AGMO: variants seen among roughly 807,000 people sequenced by gnomAD.
AGMO encodes the protein alkylglycerol monooxygenase.
In AGMO, 75 loss-of-function variants were observed where a neutral mutation model predicts 60.2. The observed-to-expected ratio is 1.25, with a 90% CI of 1.03 to 1.51. The LOEUF is 1.51. Ranked by LOEUF, AGMO falls within the 40% of genes most tolerant of loss-of-function variation. The pLI, the probability that AGMO is intolerant of heterozygous loss-of-function variation, is 0.00. For synonymous variants in AGMO, 261 were observed against 177.1 expected, an observed-to-expected ratio of 1.47 and a Z score of -3.76; for missense variants, 763 against 525.5, an observed-to-expected ratio of 1.45 and a Z score of -4.42.
chr7:15,508,474 T>C (rs1217632427), intron 3 of AGMO, among the ~76,000 whole-genome samples: 2 of 152,156 alleles, frequency 1.3e-5, no homozygotes, highest in African/African-American at 4.8e-5. Context: ...AGCTGCTCCC[T>C]GCAATAAAAA....
rs115462662 is a variant in AGMO, at chr7:15,298,273, T to C, written c.1263+67241A>G. Among the ~76,000 whole-genome samples the C allele has an allele frequency of 6.6e-3, 1,006 of 152,308 alleles. 10 individuals carry two copies. The highest frequency in any genetic ancestry group is 0.023 in the African/African-American group (957 of 41,564). On this transcript the variant is annotated intron_variant, in intron 12 of 12. Transcript: ENST00000342526. The stretch of plus-strand genomic sequence containing the variant: ...TCAACACATAATTTTAGCTATATCG[T>C]CTACTAAATCAGCTTTCTCCCGTCT...
At chr7:15,354,436 G>A (rs373963371) in intron 12 of AGMO, among the ~76,000 whole-genome samples, 1,553 of 21,868 alleles carry the variant, frequency 0.071, 155 homozygotes, top group East Asian at 0.21. Context: ...ACACGTGTGT[G>A]TATACACACG....
chr7:15,171,189 G>C, the AGMO span, among the ~76,000 whole-genome samples: 4 of 152,006 alleles, frequency 2.6e-5, no homozygotes, highest in Non-Finnish European at 5.9e-5. Context: ...CACCGTGTTA[G>C]CCAGGATGGT....
chr7:15,458,960 C>T (rs922327978), intron 3 of AGMO, among the ~76,000 whole-genome samples: 1 of 152,094 alleles, frequency 6.6e-6, no homozygotes, highest in African/African-American at 2.4e-5. Flanking sequence ...TACAAAATTA[C>T]CTTTTTTTCA....
chr7:15,503,408 A>G (rs1783437912), intron 3 of AGMO, among the ~76,000 whole-genome samples: 1 of 152,056 alleles, frequency 6.6e-6, no homozygotes, highest in South Asian at 2.1e-4. Context: ...GGGATTTGAG[A>G]ATAGGCTTGC....
At chr7:15,483,115 G>C (rs1782804939) in intron 3 of AGMO, among the ~76,000 whole-genome samples, 1 of 152,080 alleles carries the variant, frequency 6.6e-6, no homozygotes, top group Non-Finnish European at 1.5e-5. Flanking sequence ...TACTGTAGCA[G>C]ACATTAGAAT....
At chr7:15,488,941 G>T (rs1451740123) in intron 3 of AGMO, among the ~76,000 whole-genome samples, 1 of 152,062 alleles carries the variant, frequency 6.6e-6, no homozygotes, top group East Asian at 1.9e-4. Flanking sequence ...GTTTACTAAA[G>T]GTTGGGATTT....
intron 12 of AGMO, among the ~76,000 whole-genome samples, chr7:15,309,320 G>C (rs1287659699): frequency 2.0e-5 from 3 of 152,008 alleles, no homozygotes; most frequent in African/African-American, 7.2e-5. Context: ...TTTTGAGTAG[G>C]TACCAATAAA....
rs1212493704 is a variant in AGMO at position 15,201,333 on chromosome 7, G to C, written c.1290C>G (p.Phe430Leu). 6 of 1,611,480 alleles carry C rather than the reference G, an allele frequency of 3.7e-6. No homozygotes were observed. Among genetic ancestry groups the C allele is most frequent in the Non-Finnish European group, 5.1e-6 (6 of 1,178,854 alleles). ...FEIVFSICIA[F>L]WGVRSMKQLT... ...GTTGTTTCATGCTTCTAACTCCCCA[G>C]AAAGCAATGCAAATGGAAAAAACAA... Residue 430 changes from phenylalanine (F) to leucine (L), a missense_variant, in exon 13 of 13, where the codon TTC becomes TTG. Transcript: ENST00000342526.
At chr7:15,165,240 G>T in the AGMO span, among the ~76,000 whole-genome samples, 1 of 152,096 alleles carries the variant, frequency 6.6e-6, no homozygotes, top group South Asian at 2.1e-4. Flanking sequence ...AGTGGGGAGG[G>T]AGGGAGAGAA....
intron 4 of AGMO, among the ~76,000 whole-genome samples, chr7:15,419,996 A>T (rs998496762): frequency 4.6e-5 from 7 of 152,134 alleles, no homozygotes; most frequent in Non-Finnish European, 8.8e-5. Context: ...GGCCTATGAT[A>T]TAAGTCCTCT....
chr7:15,475,358 G>A (rs1431276549), intron 3 of AGMO, among the ~76,000 whole-genome samples: 1 of 152,034 alleles, frequency 6.6e-6, no homozygotes, highest in Non-Finnish European at 1.5e-5. Flanking sequence ...ATACTATGTA[G>A]CCACAAAAAA....
At position 15,271,254 on chromosome 7, in the gene AGMO, T is replaced by G. The variant is rs144543142; in HGVS notation, c.1264-69895A>C. On this transcript the variant is annotated intron_variant, in intron 12 of 12. Transcript: ENST00000342526. ...AATTCATTAAATCTGTAGATGGCTATGGGCAGTATGGTCATTTTAACGATA... is the reference window on the plus strand; with the variant it reads ...AATTCATTAAATCTGTAGATGGCTAGGGGCAGTATGGTCATTTTAACGATA... Among the ~76,000 whole-genome samples the G allele has an allele frequency of 7.9e-5, 12 of 152,298 alleles. No individual in the cohort carries two copies. In the South Asian group the frequency reaches 1.7e-3, roughly 21 times the overall value.
chr7:15,212,406 C>A (rs1032463433), intron 12 of AGMO, among the ~76,000 whole-genome samples: 3 of 151,748 alleles, frequency 2.0e-5, no homozygotes, highest in South Asian at 2.1e-4. Context: ...TTATGCCAGG[C>A]CTTTCACTCT....
At chr7:15,207,861 G>A (rs1413939799) in intron 12 of AGMO, among the ~76,000 whole-genome samples, 1 of 152,224 alleles carries the variant, frequency 6.6e-6, no homozygotes, top group African/African-American at 2.4e-5. Flanking sequence ...ATGAAGCCAG[G>A]AGGCGGAGCT....
At chr7:15,285,328 T>A (rs1465570073) in intron 12 of AGMO, among the ~76,000 whole-genome samples, 1 of 151,716 alleles carries the variant, frequency 6.6e-6, no homozygotes, top group Non-Finnish European at 1.5e-5. Flanking sequence ...ACTAGAAAGC[T>A]GTAAAGATTA....
rs574452554 is a variant in AGMO at position 15,534,185 on chromosome 7, A to G, written c.409+10587T>C. 3.8e-4 allele frequency among the ~76,000 whole-genome samples: 58 copies of G among 152,160 alleles called. No homozygotes were observed. The South Asian group carries it at 0.012, about 32-fold the overall frequency. On this transcript the variant is annotated intron_variant, in intron 3 of 12. Transcript: ENST00000342526. ...TCATTTCCTAGGTTCTCGAAAAGAC[A>G]TTTCAATCTCTTAGCTGGAAAAGCA...
chr7:15,508,574 GACAAC>G (rs1402122197), intron 3 of AGMO, among the ~76,000 whole-genome samples: 4 of 152,006 alleles, frequency 2.6e-5, no homozygotes, highest in Admixed American at 1.3e-4. Context: ...ATAAGAATAT[GACAAC>G]ACCAATTGAA....
intron 3 of AGMO, among the ~76,000 whole-genome samples, chr7:15,520,129 AT>A (rs1783940518): frequency 6.6e-6 from 1 of 152,220 alleles, no homozygotes; most frequent in Admixed American, 6.5e-5. Flanking sequence ...AAAGGCATCA[AT>A]GCAACAAGAA....
Sources: allele counts gnomAD v4.1 joint callset (sites outside exome capture counted in the v4.1 genomes callset), GRCh38; gene constraint gnomAD v4.1.1; transcripts MANE v1.5; gene names NCBI Gene and HGNC (gene_info 2026-07-23, HGNC 2026-07-21).